Variants in EVA1A observed in about 807,000 individuals in gnomAD.
EVA1A encodes protein eva-1 homolog A.
A neutral mutation model predicts 9.8 loss-of-function variants in EVA1A; 7 were observed. The ratio of observed to expected loss-of-function variants is 0.71; its 90% CI spans 0.41 to 1.34. The LOEUF (loss-of-function observed/expected upper bound fraction) is 1.34. Ranked by LOEUF, EVA1A falls within the 40% of genes most tolerant of loss-of-function variation. EVA1A has a pLI of 0.01. For synonymous variants in EVA1A, 90 were observed against 85.6 expected (o/e 1.05, Z -0.28); for missense variants, 206 against 205.9 (o/e 1.00, Z 0.00).
At chr2:75,516,516 C>T (rs1285920694) in intron 3 of EVA1A, among the ~76,000 whole-genome samples, 1 of 152,200 alleles carries the variant, frequency 6.6e-6, no homozygotes, top group Admixed American at 6.5e-5. Flanking sequence ...ATGTACTTTT[C>T]AGCCTTGACA....
rs1198587366 is a variant in EVA1A, at chr2:75,492,993, T to TG, written c.*242dup. The TG allele has an allele frequency of 1.8e-6, 1 of 543,100 alleles. No individual in the cohort carries two copies. Among genetic ancestry groups the TG allele is most frequent in the African/African-American group, 1.9e-5 (1 of 52,404 alleles). 33.6% of individuals were successfully genotyped at this position (543,100 alleles called of 1,614,324 possible). On this transcript the variant is annotated 3_prime_UTR_variant, in exon 4 of 4. Transcript: ENST00000393913. ...TTTCTCCGATCTCCATCCACAGTGT[T>TG]GGAGAGGATTTTTCAGCACCATTCC...
At chr2:75,533,567 C>T (rs1675756669) in intron 1 of EVA1A, among the ~76,000 whole-genome samples, 1 of 152,114 alleles carries the variant, frequency 6.6e-6, no homozygotes, top group Non-Finnish European at 1.5e-5. Context: ...ATACAATAGG[C>T]TTTCCTTTTC....
intron 3 of EVA1A, among the ~76,000 whole-genome samples, chr2:75,494,364 G>A (rs1000988693): frequency 3.9e-5 from 6 of 152,168 alleles, no homozygotes; most frequent in Admixed American, 1.3e-4. Flanking sequence ...TGCGTATACC[G>A]AGGGACGACT....
intron 3 of EVA1A, among the ~76,000 whole-genome samples, chr2:75,496,038 G>A (rs573889473): frequency 6.6e-6 from 1 of 152,228 alleles, no homozygotes; most frequent in South Asian, 2.1e-4. Context: ...TCATTTCCTG[G>A]TGCTTCTACA....
At chr2:75,524,625 C>G (rs1675354457) in intron 1 of EVA1A, among the ~76,000 whole-genome samples, 2 of 152,102 alleles carry the variant, frequency 1.3e-5, no homozygotes, top group African/African-American at 2.4e-5. Context: ...ACATGTATGT[C>G]CCTGACATCT....
chr2:75,543,000 T>A (rs1676190869), intron 1 of EVA1A, among the ~76,000 whole-genome samples: 1 of 152,038 alleles, frequency 6.6e-6, no homozygotes, highest in Admixed American at 6.6e-5. Flanking sequence ...ACAGGGAACA[T>A]TAGCCTGCAA....
At chr2:75,515,760 T>C (rs1674980339) in intron 3 of EVA1A, among the ~76,000 whole-genome samples, 2 of 152,174 alleles carry the variant, frequency 1.3e-5, no homozygotes, top group Non-Finnish European at 2.9e-5. Flanking sequence ...TCAGCCGTCT[T>C]CCTAAAGAGT....
chr2:75,493,324 A>C lies in EVA1A; in HGVS notation c.371T>G (p.Leu124Arg). ...CCTGATGATGCGCTCGCGCTCCTCC[A>C]GCCGCTGGGCGCGCTCCAGCTCCTC... is the stretch of plus-strand genomic sequence containing the variant. ...SAEELERAQR[L>R]EERERIIREI... Residue 124 changes from leucine (L) to arginine (R), a missense_variant, in exon 4 of 4, where the codon CTG becomes CGG. Coordinates refer to ENST00000393913, the MANE Select transcript of EVA1A (RefSeq NM_001135032.2). 2 of 1,614,180 alleles carry C rather than the reference A, an allele frequency of 1.2e-6. No individual in the cohort carries two copies. Among genetic ancestry groups the C allele is most frequent in the Non-Finnish European group, 1.7e-6 (2 of 1,180,014 alleles).
rs768566625 is a variant in EVA1A, at chr2:75,493,457, C to CGCT, written c.235_237dup (p.Ser79dup). On this transcript the variant is annotated inframe_insertion, in exon 4 of 4. Transcript: ENST00000393913. Reference sequence around the variant, plus strand: ...CTGCCATCCTCGCTGTCGCTGCTGTCGCTGCTGCTCTCTCTGTCCTGCAGG... The same window carrying CGCT: ...CTGCCATCCTCGCTGTCGCTGCTGTCGCTGCTGCTGCTCTCTCTGTCCTGCAGG... The CGCT allele has an allele frequency of 1.2e-6, 2 of 1,612,200 alleles. No individual in the cohort carries two copies. Among genetic ancestry groups the CGCT allele is most frequent in the East Asian group, 2.2e-5 (1 of 44,892 alleles).
intron 3 of EVA1A, among the ~76,000 whole-genome samples, chr2:75,514,891 T>C (rs1395894344): frequency 6.6e-6 from 1 of 152,184 alleles, no homozygotes; most frequent in Non-Finnish European, 1.5e-5. Context: ...AATTATTTTT[T>C]AGAGAGGTTG....
intron 3 of EVA1A, among the ~76,000 whole-genome samples, chr2:75,514,372 T>C (rs535253088): frequency 9.9e-5 from 15 of 152,214 alleles, no homozygotes; most frequent in Non-Finnish European, 1.9e-4. Context: ...GAATTTGAAA[T>C]GCTTATAGCA....
At chr2:75,503,911 A>G (rs1272070067) in intron 3 of EVA1A, among the ~76,000 whole-genome samples, 1 of 152,150 alleles carries the variant, frequency 6.6e-6, no homozygotes, top group African/African-American at 2.4e-5. Flanking sequence ...GGCAACAGAC[A>G]CCCTAAATGC....
chr2:75,514,010 A>C (rs1187076324), intron 3 of EVA1A, among the ~76,000 whole-genome samples: 1 of 152,216 alleles, frequency 6.6e-6, no homozygotes, highest in East Asian at 1.9e-4. Flanking sequence ...GGATGCTAAA[A>C]AATAAAAAGA....
intron 3 of EVA1A, among the ~76,000 whole-genome samples, chr2:75,503,505 C>T (rs1229084890): frequency 6.6e-6 from 1 of 152,200 alleles, no homozygotes; most frequent in Non-Finnish European, 1.5e-5. Flanking sequence ...CCTCAGAGGT[C>T]AGATCATGCC....
intron 1 of EVA1A, chr2:75,542,061 T>G (rs1399204176): frequency 6.6e-6 from 1 of 152,300 alleles, no homozygotes. Flanking sequence ...CTCGTGATAG[T>G]GAATGGGTCT....
intron 1 of EVA1A, among the ~76,000 whole-genome samples, chr2:75,555,889 C>T (rs1676694760): frequency 1.3e-5 from 2 of 152,196 alleles, no homozygotes; most frequent in African/African-American, 4.8e-5. Context: ...GCCAAGCTCC[C>T]GCTTACACGT....
chr2:75,567,102 G>T (rs892844546), intron 1 of EVA1A, among the ~76,000 whole-genome samples: 1 of 152,040 alleles, frequency 6.6e-6, no homozygotes, highest in African/African-American at 2.4e-5. Context: ...ATTCAAGTTA[G>T]ATCCCAAGTC....
At chr2:75,510,231 CAT>C (rs1289144459) in intron 3 of EVA1A, among the ~76,000 whole-genome samples, 2 of 152,032 alleles carry the variant, frequency 1.3e-5, no homozygotes, top group African/African-American at 4.8e-5. Flanking sequence ...ATGTTTTGTG[CAT>C]ATGTTTCTGT....
intron 1 of EVA1A, among the ~76,000 whole-genome samples, chr2:75,551,209 A>G (rs914824466): frequency 3.3e-5 from 5 of 152,186 alleles, no homozygotes; most frequent in African/African-American, 1.2e-4. Context: ...TAATACCTCT[A>G]GCTGCTGTCT....
Sources: allele counts gnomAD v4.1 joint callset (sites outside exome capture counted in the v4.1 genomes callset), GRCh38; gene constraint gnomAD v4.1.1; transcripts MANE v1.5; gene names NCBI Gene and HGNC (gene_info 2026-07-23, HGNC 2026-07-21).